Variants in RGS22 observed in about 807,000 individuals in gnomAD.
RGS22 encodes regulator of G-protein signaling 22.
RGS22 carries 148 observed loss-of-function variants against 172.9 expected under a neutral mutation model. The observed-to-expected ratio is 0.86, with a 90% CI of 0.75 to 0.98. The LOEUF (loss-of-function observed/expected upper bound fraction) is 0.98. RGS22 is among the 50% of genes least tolerant of loss of function. The pLI is 0.00. For synonymous variants in RGS22, 458 were observed against 480.2 expected, an observed-to-expected ratio of 0.95 and a Z score of 0.60; for missense variants, 1,347 against 1,440.8, an observed-to-expected ratio of 0.93 and a Z score of 1.05.
At chr8:100,050,620 A>G (rs996061164) in intron 10 of RGS22, among the ~76,000 whole-genome samples, 1 of 152,204 alleles carries the variant, frequency 6.6e-6, no homozygotes, top group African/African-American at 2.4e-5. Context: ...TTTAAGGGCT[A>G]CTATGATTAA....
At chr8:99,976,909 A>T (rs1812016789) in intron 23 of RGS22, among the ~76,000 whole-genome samples, 1 of 152,170 alleles carries the variant, frequency 6.6e-6, no homozygotes, top group Admixed American at 6.5e-5. Context: ...ATTTATTTTT[A>T]AAAATGAAAT....
chr8:99,974,884 A>G (rs753771248), intron 23 of RGS22, among the ~76,000 whole-genome samples: 1 of 151,932 alleles, frequency 6.6e-6, no homozygotes, highest in Non-Finnish European at 1.5e-5. Context: ...ACAGTGGCTC[A>G]CACCTGTAAT....
chr8:100,069,331 A>T (rs1425065921), intron 6 of RGS22, among the ~76,000 whole-genome samples: 1 of 152,212 alleles, frequency 6.6e-6, no homozygotes, highest in Non-Finnish European at 1.5e-5. Flanking sequence ...TGTCATAGGG[A>T]GTAGCAGCAC....
chr8:100,047,446 C>T lies in RGS22; in HGVS notation c.1823+17G>A, dbSNP rs1005795128. 1 of 1,574,332 alleles carries T rather than the reference C, an allele frequency of 6.4e-7. No homozygotes were observed. ...GTATTGCAGAAAAGCACTTAACACACAAAAAGTTGCACCTACCCTTTCTCA... is the reference window on the plus strand; with the variant it reads ...GTATTGCAGAAAAGCACTTAACACATAAAAAGTTGCACCTACCCTTTCTCA... On this transcript the variant is annotated intron_variant, in intron 11 of 27. Transcript: ENST00000360863.
At chr8:99,976,456 G>T (rs1324733703) in intron 23 of RGS22, among the ~76,000 whole-genome samples, 1 of 152,042 alleles carries the variant, frequency 6.6e-6, no homozygotes, top group African/African-American at 2.4e-5. Flanking sequence ...CCGCCTCCCG[G>T]GTTCACGCCA....
At chr8:99,962,299 TGTG>T in intron 27 of RGS22, 92 bp downstream of exon 27, 1 of 758,358 alleles carries the variant, frequency 1.3e-6, no homozygotes, top group South Asian at 1.7e-5. Flanking sequence ...ATGTTATATG[TGTG>T]GTATGCTGTG....
intron 10 of RGS22, among the ~76,000 whole-genome samples, chr8:100,050,310 A>G (rs1351881390): frequency 1.3e-5 from 2 of 152,144 alleles, no homozygotes; most frequent in East Asian, 3.9e-4. Context: ...TTCAGTTGTA[A>G]GCCAAACCCC....
At chr8:100,079,941 A>C (rs1204801773) in intron 4 of RGS22, among the ~76,000 whole-genome samples, 193 bp downstream of exon 4, 1 of 152,234 alleles carries the variant, frequency 6.6e-6, no homozygotes. Flanking sequence ...ATCTTCTCAA[A>C]TTGATAAGTG....
chr8:100,022,476 T>C (rs899239381), intron 14 of RGS22, among the ~76,000 whole-genome samples: 4 of 152,152 alleles, frequency 2.6e-5, no homozygotes, highest in African/African-American at 9.7e-5. Context: ...ATTTGGGTCA[T>C]TGCTTAAGAC....
intron 9 of RGS22, among the ~76,000 whole-genome samples, chr8:100,055,688 G>C (rs1822167184): frequency 6.6e-6 from 1 of 152,190 alleles, no homozygotes; most frequent in African/African-American, 2.4e-5. Flanking sequence ...TCTCCTGGTA[G>C]TGAATAAGTC....
At chr8:100,099,019 G>A (rs188350125) in intron 2 of RGS22, among the ~76,000 whole-genome samples, 239 of 151,996 alleles carry the variant, frequency 1.6e-3, no homozygotes, top group Non-Finnish European at 1.9e-3. Flanking sequence ...AGGTTCAAGC[G>A]ATTATCCTGG....
chr8:99,983,215 C>G (rs1486985265), intron 21 of RGS22, among the ~76,000 whole-genome samples: 1 of 152,118 alleles, frequency 6.6e-6, no homozygotes, highest in East Asian at 1.9e-4. Context: ...TGATGGGCAC[C>G]TGGGTTGATT....
chr8:99,990,083 A>T (rs1813547743), intron 20 of RGS22, among the ~76,000 whole-genome samples: 1 of 152,144 alleles, frequency 6.6e-6, no homozygotes, highest in African/African-American at 2.4e-5. Context: ...TGCAGAATAA[A>T]GAAAAATACA....
chr8:100,071,466 G>A lies in RGS22; in HGVS notation c.497C>T (p.Ser166Phe). The change falls in exon 6 of 28, where the codon TCT becomes TTT. Residue 166 changes from serine to phenylalanine, a missense_variant. Ser to Phe is a radical substitution (Grantham distance 155). Transcript: ENST00000360863. ...GGGTGGTTTTTTCACGATCCAGGGAGAAAAATTTGATCCTACTGTGAAATT... is the reference window on the plus strand; with the variant it reads ...GGGTGGTTTTTTCACGATCCAGGGAAAAAAATTTGATCCTACTGTGAAATT... ...GMNFTVGSNF[S>F]PWIVKKPPSL... is the part of the protein sequence containing the mutation. 1 of 1,613,034 alleles carries A rather than the reference G, an allele frequency of 6.2e-7. No individual in the cohort carries two copies. Among genetic ancestry groups the A allele is most frequent in the Non-Finnish European group, 8.5e-7 (1 of 1,179,348 alleles).
chr8:100,024,112 G>C (rs1249238984), intron 14 of RGS22: 1 of 152,098 alleles, frequency 6.6e-6, no homozygotes, highest in African/African-American at 2.4e-5. Context: ...GATTATAGGC[G>C]AGCGCCACCA....
At chr8:100,049,939 C>T (rs1424225669) in intron 10 of RGS22, among the ~76,000 whole-genome samples, 2 of 151,458 alleles carry the variant, frequency 1.3e-5, no homozygotes, top group African/African-American at 2.4e-5. Flanking sequence ...GTACCAGCTA[C>T]TTGGGAGACT....
rs148735735 is a variant in RGS22 at position 100,013,946 on chromosome 8, A to G, written c.2167-5377T>C. Among the ~76,000 whole-genome samples the G allele has an allele frequency of 3.4e-3, 511 of 152,312 alleles. 2 individuals are homozygous for G. The highest frequency in any genetic ancestry group is 0.011 in the African/African-American group (471 of 41,566). On this transcript the variant is annotated intron_variant, in intron 14 of 27. Coordinates refer to ENST00000360863, the MANE Select transcript of RGS22 (RefSeq NM_015668.5). ...GACTCCATTATAGACTTCAAAAAAAACTTAGCTGCAATCAAAAAGTTTGTT... is the reference window on the plus strand; with the variant it reads ...GACTCCATTATAGACTTCAAAAAAAGCTTAGCTGCAATCAAAAAGTTTGTT...
intron 14 of RGS22, among the ~76,000 whole-genome samples, chr8:100,027,853 T>C (rs1731530313): frequency 6.6e-6 from 1 of 152,162 alleles, no homozygotes; most frequent in Admixed American, 6.5e-5. Flanking sequence ...CAAATTCCCA[T>C]TTTCCTTCCT....
chr8:100,083,211 G>A (rs1288994576), intron 3 of RGS22, among the ~76,000 whole-genome samples: 1 of 152,132 alleles, frequency 6.6e-6, no homozygotes, highest in African/African-American at 2.4e-5. Flanking sequence ...TACAGAAGCA[G>A]AACCATCACC....
Sources: gnomAD v4.1 joint callset for allele counts (sites outside exome capture counted in the v4.1 genomes callset) on GRCh38, gnomAD v4.1.1 for gene constraint, MANE v1.5 for transcripts, NCBI Gene and HGNC (gene_info 2026-07-23, HGNC 2026-07-21) for gene names.